Variants in SLC28A2 observed in about 807,000 individuals in gnomAD.
SLC28A2 encodes the protein sodium/nucleoside cotransporter 2.
A neutral mutation model predicts 72.9 loss-of-function variants in SLC28A2; 69 were observed. That is an observed-to-expected ratio of 0.95 (90% CI 0.78 to 1.16). SLC28A2 has a LOEUF of 1.16. Ranked by LOEUF, SLC28A2 falls within the 50% of genes most tolerant of loss-of-function variation. The pLI is 0.00. For synonymous variants in SLC28A2, 296 were observed against 294.1 expected (o/e 1.01, Z -0.07); for missense variants, 745 against 791.1 (o/e 0.94, Z 0.70).
At position 45,252,295 on chromosome 15, in the gene SLC28A2, G is replaced by A. The variant is rs1353585209; in HGVS notation, c.-17+17G>A. 2.2e-6 allele frequency: 1 copy of A among 455,974 alleles called. No individual in the cohort carries two copies. The highest frequency in any genetic ancestry group is 1.5e-5 in the South Asian group (1 of 64,556). The allele number at this position is 455,974 out of a possible 1,614,324, so 28.2% of individuals were successfully genotyped here. ...CAAGCTGGGGTAAGTAAAGGTGTTT[G>A]GGGGAGGGCAGGTGCCTAATTTACA... On this transcript the variant is annotated intron_variant, in intron 1 of 17. Transcript: ENST00000347644.
intron 17 of SLC28A2, among the ~76,000 whole-genome samples, chr15:45,273,108 T>C (rs7163607): frequency 0.091 from 13,861 of 152,132 alleles, 2,018 homozygotes; most frequent in African/African-American, 0.31. Context: ...GGGAGGATGG[T>C]TTGAGCCCAG....
intron 17 of SLC28A2, among the ~76,000 whole-genome samples, chr15:45,275,020 T>G (rs1900706452): frequency 6.6e-6 from 1 of 152,246 alleles, no homozygotes; most frequent in South Asian, 2.1e-4. Flanking sequence ...TTTTGTCCAA[T>G]TAATTTATAC....
At chr15:45,268,404 TC>T in intron 13 of SLC28A2, 26 bp downstream of exon 13, 1 of 1,558,562 alleles carries the variant, frequency 6.4e-7, no homozygotes, top group Non-Finnish European at 8.8e-7. Context: ...TGTTGGGCTG[TC>T]CCTCTGGGAT....
intron 3 of SLC28A2, among the ~76,000 whole-genome samples, chr15:45,257,099 C>T (rs1401812287): frequency 6.6e-6 from 1 of 152,212 alleles, no homozygotes; most frequent in Non-Finnish European, 1.5e-5. Context: ...AGTTTCCTGC[C>T]TCCATGTCAT....
chr15:45,262,134 AG>A lies in SLC28A2; in HGVS notation c.262+29del, dbSNP rs770537974. The stretch of plus-strand genomic sequence containing the variant: ...GAGATATTGAGAATTCATGAAAGTG[AG>A]AAACACAGTTATTTTAGAAATTTGC... On this transcript the variant is annotated intron_variant, in intron 4 of 17. Transcript: ENST00000347644. 18 of 1,488,688 alleles carry A rather than the reference AG, an allele frequency of 1.2e-5. No homozygotes were observed. In the African/African-American group the frequency reaches 2.2e-4, roughly 18 times the overall value. 92.2% of individuals were successfully genotyped at this position (1,488,688 alleles called of 1,614,324 possible). A position where few individuals can be genotyped will look rare whatever the true frequency, so the allele number is the denominator to read the frequency against.
chr15:45,253,353 T>C, intron 2 of SLC28A2, 57 bp downstream of exon 2: 1 of 1,550,846 alleles, frequency 6.4e-7, no homozygotes, highest in South Asian at 1.1e-5. Context: ...TGGGCTCCTG[T>C]AGGGTATTTG....
chr15:45,259,092 C>T (rs1900068562), intron 3 of SLC28A2, among the ~76,000 whole-genome samples: 1 of 152,040 alleles, frequency 6.6e-6, no homozygotes, highest in Non-Finnish European at 1.5e-5. Context: ...TGAATATTCT[C>T]TTTTGTGAAG....
In SLC28A2 at chr15:45,265,653, TA is replaced by T; in HGVS notation, c.852del (p.Val285PhefsTer30). On this transcript the variant is annotated frameshift_variant, in exon 9 of 18. Coordinates refer to ENST00000347644, the MANE Select transcript of SLC28A2 (RefSeq NM_004212.4). LOFTEE classifies it high-confidence loss of function. ...ILYYLGLVQW[V>X]VQKVAWFLQI... is the part of the protein sequence containing the mutation. ...TACTACCTGGGCCTTGTGCAATGGG[TA>T]GTTCAGAAGGTGAGTCGTTCTCTTA... The T allele has an allele frequency of 2.5e-6, 4 of 1,609,750 alleles. No individual in the cohort carries two copies. Among genetic ancestry groups the T allele is most frequent in the Non-Finnish European group, 3.4e-6 (4 of 1,176,006 alleles).
intron 15 of SLC28A2, among the ~76,000 whole-genome samples, chr15:45,270,967 T>C (rs960155447): frequency 3.3e-5 from 5 of 152,098 alleles, no homozygotes; most frequent in African/African-American, 1.2e-4. Flanking sequence ...AAGACACTTT[T>C]TGAAATTAGG....
chr15:45,266,679 C>T (rs1228178242), intron 10 of SLC28A2, among the ~76,000 whole-genome samples: 1 of 152,224 alleles, frequency 6.6e-6, no homozygotes, highest in African/African-American at 2.4e-5. Context: ...TGACTTGTCA[C>T]ATTCGCAGGG....
chr15:45,268,886 A>C (rs1299835545), intron 13 of SLC28A2, among the ~76,000 whole-genome samples: 1 of 152,024 alleles, frequency 6.6e-6, no homozygotes, highest in Admixed American at 6.6e-5. Context: ...ATGAAATTGG[A>C]AATCATCATT....
Position 45,265,120 on chromosome 15 carries a change from GT to G in SLC28A2, c.738del (p.Phe246LeufsTer39). Reference protein sequence around the residue: ...IFLNYTVAGSSFVFGDTLVKD... With the variant: ...IFLNYTVAGSXFVFGDTLVKD... The stretch of plus-strand genomic sequence containing the variant: ...CTGAACTACACTGTGGCCGGCTCCA[GT>G]TTTGTCTTTGGGGATACACTGGTCA... On this transcript the variant is annotated frameshift_variant, in exon 8 of 18. Transcript: ENST00000347644. LOFTEE classifies it high-confidence loss of function. The G allele has an allele frequency of 6.2e-7, 1 of 1,613,142 alleles. No homozygotes were observed. The highest frequency in any genetic ancestry group is 8.5e-7 in the Non-Finnish European group (1 of 1,179,280).
chr15:45,272,506 T>A, intron 16 of SLC28A2, 113 bp downstream of exon 16: 1 of 891,942 alleles, frequency 1.1e-6, no homozygotes, highest in South Asian at 1.5e-5. Flanking sequence ...ATTACTTCCC[T>A]AGATCATGAC....
At chr15:45,256,211 T>C (rs1019073509) in intron 3 of SLC28A2, among the ~76,000 whole-genome samples, 7 of 152,304 alleles carry the variant, frequency 4.6e-5, no homozygotes, top group Admixed American at 2.6e-4. Flanking sequence ...TTTATTTTTA[T>C]TTTTTGAGAA....
At chr15:45,255,902 T>C (rs903368009) in intron 3 of SLC28A2, 1 of 152,236 alleles carries the variant, frequency 6.6e-6, no homozygotes, top group African/African-American at 2.4e-5. Context: ...ATCACTTCTC[T>C]CAAGCCAGCG....
In SLC28A2 at chr15:45,272,322, A is replaced by C. The variant is rs748751707; in HGVS notation, c.1676A>C (p.Asp559Ala). 3.7e-6 allele frequency: 6 copies of C among 1,613,902 alleles called. No homozygotes were observed. The highest frequency in any genetic ancestry group is 5.1e-6 in the Non-Finnish European group (6 of 1,180,002). The change falls in exon 16 of 18, where the codon GAC (aspartate) becomes GCC (alanine). Residue 559 changes from aspartate to alanine, a missense_variant. Coordinates refer to ENST00000347644, the MANE Select transcript of SLC28A2 (RefSeq NM_004212.4). ...TCAATAGTACCTCACCGGAAGAGTG[A>C]CTTGTCCAAGGTTGTGGTCAGGGCC... ...LTSIVPHRKS[D>A]LSKVVVRALF... is the part of the protein sequence containing the mutation.
At position 45,265,690 on chromosome 15, in the gene SLC28A2, G is replaced by T. The variant is rs1430621846; in HGVS notation, c.861+27G>T. ...TGAGTCGTTCTCTTACACCAGTCAGGAGACAGGCCTTCATCCTGTCATCAG... is the reference window on the plus strand; with the variant it reads ...TGAGTCGTTCTCTTACACCAGTCAGTAGACAGGCCTTCATCCTGTCATCAG... On this transcript the variant is annotated intron_variant, in intron 9 of 17. Coordinates refer to ENST00000347644, the MANE Select transcript of SLC28A2 (RefSeq NM_004212.4). 12 of 1,449,612 alleles carry T rather than the reference G, an allele frequency of 8.3e-6. No homozygotes were observed. In the Admixed American group the frequency reaches 2.0e-4, roughly 24 times the overall value. The allele number at this position is 1,449,612 out of a possible 1,614,324, so 89.8% of individuals were successfully genotyped here. A position where few individuals can be genotyped will look rare whatever the true frequency, so the allele number is the denominator to read the frequency against.
chr15:45,264,081 T>C (rs1390604759), intron 6 of SLC28A2, 59 bp downstream of exon 6: 62 of 1,498,264 alleles, frequency 4.1e-5, no homozygotes, highest in Non-Finnish European at 5.3e-5. Flanking sequence ...CAAGTGCTAA[T>C]CATAAAGCGT....
chr15:45,269,094 C>A (rs1261181126), intron 13 of SLC28A2, among the ~76,000 whole-genome samples: 2 of 151,246 alleles, frequency 1.3e-5, no homozygotes, highest in African/African-American at 4.9e-5. Context: ...GTGCAGCACA[C>A]CAGCATGCCA....
Sources: gnomAD v4.1 joint callset for allele counts (sites outside exome capture counted in the v4.1 genomes callset) on GRCh38, gnomAD v4.1.1 for gene constraint, MANE v1.5 for transcripts, NCBI Gene and HGNC (gene_info 2026-07-23, HGNC 2026-07-21) for gene names.